The following TOR1AIP2 variants were observed in gnomAD, a reference collection of about 807,000 sequenced individuals.
The protein encoded by TOR1AIP2 is torsin 1A interacting protein 2.
TOR1AIP2 carries 20 observed loss-of-function variants against 32.6 expected under a neutral mutation model. The ratio of observed to expected loss-of-function variants is 0.61; its 90% CI spans 0.43 to 0.89. The LOEUF (loss-of-function observed/expected upper bound fraction) is 0.89, where lower values mean the gene tolerates loss of function less well. Ranked by LOEUF, TOR1AIP2 falls within the 40% of genes least tolerant of loss-of-function variation. TOR1AIP2 has a pLI of 0.00. For missense variants in TOR1AIP2, 456 were observed against 553.8 expected, an observed-to-expected ratio of 0.82 and a Z score of 1.77; for synonymous variants, 214 against 210.8, an observed-to-expected ratio of 1.02 and a Z score of -0.13.
At position 179,851,291 on chromosome 1, in the gene TOR1AIP2, T is replaced by C. The variant is rs373975336; in HGVS notation, c.107A>G (p.Asn36Ser). 3.7e-6 allele frequency: 6 copies of C among 1,608,448 alleles called. No homozygotes were observed. In the African/African-American group the frequency reaches 8.0e-5, roughly 22 times the overall value. Residue 36 changes from asparagine (N) to serine (S), a missense_variant, in exon 5 of 7, where the codon AAT becomes AGT. Transcript: ENST00000609928. Reference protein sequence around the residue: ...QAQETTIIASNAEEAEILHSA... With the variant: ...QAQETTIIASSAEEAEILHSA... ...GTGTAGGATCTCAGCTTCTTCAGCATTACTTGCTATGATTGTGGTCTCCTG... is the reference window on the plus strand; with the variant it reads ...GTGTAGGATCTCAGCTTCTTCAGCACTACTTGCTATGATTGTGGTCTCCTG...
chr1:179,860,088 T>C, intron 3 of TOR1AIP2: 1 of 947,976 alleles, frequency 1.1e-6, no homozygotes. Flanking sequence ...GCTCAAGCCA[T>C]CCTCCTGCCT....
intron 3 of TOR1AIP2, chr1:179,864,096 G>C (rs868585804): frequency 2.0e-6 from 2 of 985,256 alleles, no homozygotes; most frequent in African/African-American, 1.7e-5. Flanking sequence ...GTAAAGCCAC[G>C]TAAGTATGGA....
intron 2 of TOR1AIP2, chr1:179,874,737 T>C (rs1697130109): frequency 6.6e-6 from 1 of 152,142 alleles, no homozygotes; most frequent in Non-Finnish European, 1.5e-5. Flanking sequence ...CACTCCAGCC[T>C]GGATAAGAGA....
chr1:179,849,600 G>A (rs1338728481), intron 5 of TOR1AIP2, among the ~76,000 whole-genome samples: 2 of 151,824 alleles, frequency 1.3e-5, no homozygotes, highest in Non-Finnish European at 1.5e-5. Context: ...TTTAAGAGAT[G>A]GGATCTCACT....
Position 179,852,618 on chromosome 1 carries a change from C to T in TOR1AIP2, c.34+14G>A. On this transcript the variant is annotated intron_variant, in intron 4 of 6. Transcript: ENST00000609928. ...CTACAGCAGCAACCTCAGTGCCAGA[C>T]AAATCAGTCTTACCCTCTTGAGGTT... 6.2e-7 allele frequency: 1 copy of T among 1,613,944 alleles called. No homozygotes were observed. Among genetic ancestry groups the T allele is most frequent in the Non-Finnish European group, 8.5e-7 (1 of 1,179,846 alleles).
At chr1:179,856,155 C>T (rs1388718519) in intron 3 of TOR1AIP2, among the ~76,000 whole-genome samples, 1 of 152,054 alleles carries the variant, frequency 6.6e-6, no homozygotes. Context: ...GCCTGGGCGA[C>T]AGAGCAAAAC....
At chr1:179,862,312 A>G (rs1696571024) in intron 3 of TOR1AIP2, 10 of 983,622 alleles carry the variant, frequency 1.0e-5, no homozygotes, top group African/African-American at 1.7e-5. Flanking sequence ...TTTAGGGGCA[A>G]TAATACTGAT....
intron 3 of TOR1AIP2, chr1:179,859,771 AG>A: frequency 1.0e-6 from 1 of 985,464 alleles, no homozygotes; most frequent in Non-Finnish European, 1.2e-6. Flanking sequence ...CTTATACTAC[AG>A]GCTCAACCTC....
intron 2 of TOR1AIP2, chr1:179,867,876 C>A (rs948347720): frequency 1.3e-5 from 2 of 152,206 alleles, no homozygotes; most frequent in African/African-American, 4.8e-5. Context: ...AGTCTTCCCT[C>A]CTCTCCTGGT....
At chr1:179,847,799 T>C (rs1695966823) in intron 5 of TOR1AIP2, among the ~76,000 whole-genome samples, 163 bp from the exon 6 acceptor site, 1 of 152,186 alleles carries the variant, frequency 6.6e-6, no homozygotes, top group Non-Finnish European at 1.5e-5. Context: ...TTTGGGAGGC[T>C]GAAACAGGTG....
chr1:179,851,422 T>C (rs2148429082), intron 4 of TOR1AIP2, 59 bp from the exon 5 acceptor site: 6 of 1,255,010 alleles, frequency 4.8e-6, no homozygotes, highest in Non-Finnish European at 6.4e-6. Flanking sequence ...ATTTATATTT[T>C]AACAAGGTCC....
In TOR1AIP2 at chr1:179,856,249, T is replaced by C. The variant is rs187187417; in HGVS notation, c.-146-3438A>G. 3.0e-4 allele frequency among the ~76,000 whole-genome samples: 46 copies of C among 152,332 alleles called. 1 individual carries two copies. Among genetic ancestry groups the C allele is most frequent in the Admixed American group, 2.5e-3 (39 of 15,300 alleles). ...TGTTATCAAACTTAAAATCTGTACA[T>C]TAATTGTATGTGACATAGATTATCC... On this transcript the variant is annotated intron_variant, in intron 3 of 6. Transcript: ENST00000609928.
intron 2 of TOR1AIP2, chr1:179,875,704 C>T (rs1266493643): frequency 1.3e-5 from 2 of 150,718 alleles, no homozygotes; most frequent in African/African-American, 2.5e-5. Context: ...CATACCAGAG[C>T]CATGGCACCA....
At position 179,864,510 on chromosome 1, in the gene TOR1AIP2, A is replaced by T. The variant is rs146892991; in HGVS notation, c.-147+926T>A. On this transcript the variant is annotated intron_variant, in intron 3 of 6. Coordinates refer to ENST00000609928, the MANE Select transcript of TOR1AIP2 (RefSeq NM_001199260.2). ...TTGCAGAAATTTTTTTAGGAGTGGT[A>T]AGTTAGTTCCAAAACAGTTTATAGG... 25 of 1,148,084 alleles carry T rather than the reference A, an allele frequency of 2.2e-5. No individual in the cohort carries two copies. In the East Asian group the frequency reaches 3.4e-4, roughly 15 times the overall value. The allele number at this position is 1,148,084 out of a possible 1,614,324, so 71.1% of individuals were successfully genotyped here.
chr1:179,850,065 C>T (rs939222770), intron 5 of TOR1AIP2, among the ~76,000 whole-genome samples: 6 of 152,172 alleles, frequency 3.9e-5, no homozygotes, highest in African/African-American at 1.4e-4. Flanking sequence ...CTGAGCTCTT[C>T]AGAGTGCTTA....
intron 2 of TOR1AIP2, chr1:179,874,885 A>G (rs1697134571): frequency 6.6e-6 from 1 of 152,260 alleles, no homozygotes. Context: ...CAAATCTACA[A>G]ATATAGAACC....
At chr1:179,847,448 T>G (rs1695953132) in intron 6 of TOR1AIP2, 87 bp downstream of exon 6, 2 of 878,848 alleles carry the variant, frequency 2.3e-6, no homozygotes, top group African/African-American at 3.3e-5. Context: ...ATGTTAAAAC[T>G]GTTTAAATCT....
At chr1:179,865,087 A>C in intron 3 of TOR1AIP2, 1 of 1,614,054 alleles carries the variant, frequency 6.2e-7, no homozygotes, top group Non-Finnish European at 8.5e-7. Context: ...CATTTTCAAC[A>C]AGTTCAGTTT....
chr1:179,864,423 T>C, intron 3 of TOR1AIP2: 3 of 1,001,382 alleles, frequency 3.0e-6, no homozygotes, highest in Non-Finnish European at 3.6e-6. Context: ...GAAATACCAC[T>C]ATGAAGCACA....
Sources: allele counts gnomAD v4.1 joint callset (sites outside exome capture counted in the v4.1 genomes callset), GRCh38; gene constraint gnomAD v4.1.1; transcripts MANE v1.5; gene names NCBI Gene and HGNC (gene_info 2026-07-23, HGNC 2026-07-21).